EPAS1: variants seen among roughly 807,000 people sequenced by gnomAD.
The protein encoded by EPAS1 is endothelial PAS domain-containing protein 1.
In EPAS1, 23 loss-of-function variants were observed where a neutral mutation model predicts 87.9. That is an observed-to-expected ratio of 0.26 (90% confidence interval 0.19 to 0.37). The LOEUF (loss-of-function observed/expected upper bound fraction) is 0.37. EPAS1 is among the 10% of genes least tolerant of loss of function. EPAS1 has a pLI of 1.00. For synonymous variants in EPAS1, 508 were observed against 444.3 expected, an observed-to-expected ratio of 1.14 and a Z score of -1.80; for missense variants, 1,138 against 1,120.7, an observed-to-expected ratio of 1.02 and a Z score of -0.22.
chr2:46,376,769 C>T lies in EPAS1; in HGVS notation c.1249+16C>T, dbSNP rs1333957628. On this transcript the variant is annotated intron_variant, in intron 9 of 15. Transcript: ENST00000263734. Reference sequence around the variant, plus strand: ...CTGGATTTCGGTGGGTGCTTCTTAGCTAAGCCAGGCCCCTGGAACCCCGTT... The same window carrying T: ...CTGGATTTCGGTGGGTGCTTCTTAGTTAAGCCAGGCCCCTGGAACCCCGTT... The T allele has an allele frequency of 3.7e-6, 6 of 1,611,438 alleles. No homozygotes were observed. Among genetic ancestry groups the T allele is most frequent in the Non-Finnish European group, 5.1e-6 (6 of 1,179,696 alleles).
At chr2:46,301,556 A>G (rs1682998709) in intron 1 of EPAS1, among the ~76,000 whole-genome samples, 1 of 148,164 alleles carries the variant, frequency 6.7e-6, no homozygotes, top group Non-Finnish European at 1.5e-5. Flanking sequence ...CAGCCTGGGC[A>G]AGAGTGAAAT....
chr2:46,346,392 T>G lies in EPAS1; in HGVS notation c.27-481T>G, dbSNP rs992049256. On this transcript the variant is annotated intron_variant, in intron 1 of 15. Transcript: ENST00000263734. The surrounding 1 kb of genome is among the most constrained non-coding windows in gnomAD (Gnocchi z 4.0). The stretch of plus-strand genomic sequence containing the variant: ...TGAAGCGGGATCTAGGGTTCAGTAC[T>G]ACTCTTAATTTTTTCTGATTGTGTC... 8.5e-5 allele frequency among the ~76,000 whole-genome samples: 13 copies of G among 152,238 alleles called. No individual in the cohort carries two copies. Among genetic ancestry groups the G allele is most frequent in the Non-Finnish European group, 1.3e-4 (9 of 68,040 alleles).
At chr2:46,330,993 A>G (rs1683661884) in intron 1 of EPAS1, among the ~76,000 whole-genome samples, 1 of 151,664 alleles carries the variant, frequency 6.6e-6, no homozygotes, top group South Asian at 2.1e-4. Context: ...CTTGCTCCTG[A>G]CTTCTGTAGC....
rs1406401241 is a variant in EPAS1, at chr2:46,376,794, T to G, written c.1249+41T>G. The G allele has an allele frequency of 3.7e-6, 6 of 1,601,910 alleles. No individual in the cohort carries two copies. The Admixed American group carries it at 6.7e-5, about 18-fold the overall frequency. ...CTAAGCCAGGCCCCTGGAACCCCGTTGGGGCTGGGAAGAGTTCTTACTATA... is the reference window on the plus strand; with the variant it reads ...CTAAGCCAGGCCCCTGGAACCCCGTGGGGGCTGGGAAGAGTTCTTACTATA... On this transcript the variant is annotated intron_variant, in intron 9 of 15. Coordinates refer to ENST00000263734, the MANE Select transcript of EPAS1 (RefSeq NM_001430.5).
rs1684995918 is a variant in EPAS1 at position 46,385,446 on chromosome 2, G to T, written c.*786G>T. On this transcript the variant is annotated 3_prime_UTR_variant, in exon 16 of 16. Transcript: ENST00000263734. ...GTACTTTGTAATATCTAAAAACTTA[G>T]AAACGGAAATGGAATCCTGCTCACA... is the stretch of plus-strand genomic sequence containing the variant. 1 of 152,234 alleles carries T rather than the reference G, an allele frequency of 6.6e-6. No homozygotes were observed. The highest frequency in any genetic ancestry group is 1.5e-5 in the Non-Finnish European group (1 of 68,038). The allele number at this position is 152,234 out of a possible 1,614,324, so 9.4% of individuals were successfully genotyped here. A position where few individuals can be genotyped will look rare whatever the true frequency, so the allele number is the denominator to read the frequency against.
intron 6 of EPAS1, among the ~76,000 whole-genome samples, chr2:46,365,020 T>C (rs1229271619): frequency 1.3e-5 from 2 of 152,184 alleles, no homozygotes; most frequent in Non-Finnish European, 2.9e-5. Flanking sequence ...TGTTCCCAAG[T>C]AGTTTAACTT....
In EPAS1 at chr2:46,354,826, T is replaced by G. The variant is rs549042565; in HGVS notation, c.218-1325T>G. 1.2e-4 allele frequency among the ~76,000 whole-genome samples: 18 copies of G among 152,208 alleles called. 1 individual carries two copies. The highest frequency in any genetic ancestry group is 4.3e-4 in the African/African-American group (18 of 41,530). On this transcript the variant is annotated intron_variant, in intron 2 of 15. Transcript: ENST00000263734. ...CTGGGCCTGCCTCACCAGCCCAATC[T>G]CTGAGACTGGGAAATGGATTCTCTT...
intron 2 of EPAS1, among the ~76,000 whole-genome samples, chr2:46,353,145 T>G (rs1478240660): frequency 6.6e-6 from 1 of 152,202 alleles, no homozygotes; most frequent in Non-Finnish European, 1.5e-5. Flanking sequence ...CAGAAGGTGG[T>G]CACCTATCTG....
At chr2:46,377,515 G>A (rs1361194850) in intron 9 of EPAS1, among the ~76,000 whole-genome samples, 1 of 152,204 alleles carries the variant, frequency 6.6e-6, no homozygotes, top group Non-Finnish European at 1.5e-5. Flanking sequence ...GCGGGCCCTT[G>A]GCCAGTAGGT....
chr2:46,370,120 C>T (rs374614375), intron 7 of EPAS1, among the ~76,000 whole-genome samples, 187 bp downstream of exon 7: 3 of 152,176 alleles, frequency 2.0e-5, no homozygotes, highest in East Asian at 3.9e-4. Context: ...TAGACTCCTT[C>T]GTGCAAATTA....
intron 1 of EPAS1, among the ~76,000 whole-genome samples, chr2:46,307,765 C>T (rs1274985640): frequency 2.0e-5 from 3 of 152,200 alleles, no homozygotes; most frequent in Admixed American, 2.0e-4. Context: ...GCTGAGATCG[C>T]TTTCCTGGTC....
chr2:46,379,490 G>T (rs1472975364), intron 11 of EPAS1, among the ~76,000 whole-genome samples: 1 of 152,184 alleles, frequency 6.6e-6, no homozygotes, highest in Non-Finnish European at 1.5e-5. Context: ...CACTCCTGTA[G>T]TATATATCAT....
At chr2:46,326,978 ATT>A (rs1683575777) in intron 1 of EPAS1, among the ~76,000 whole-genome samples, 1 of 152,168 alleles carries the variant, frequency 6.6e-6, no homozygotes, top group Non-Finnish European at 1.5e-5. Flanking sequence ...TGTACCTCTG[ATT>A]CTTCAACTGC....
At chr2:46,362,953 A>AGTGGTGGTGGTGGTGGTGGTGGTGGTG (rs1159555840) in intron 6 of EPAS1, among the ~76,000 whole-genome samples, 2 of 78,034 alleles carry the variant, frequency 2.6e-5, no homozygotes, top group Admixed American at 1.4e-4. Flanking sequence ...TGTAATTGTT[A>AGTGGTGGTGGTGGTGGTGGTGGTGGTG]GTGGTGGTGG....
At chr2:46,350,659 C>T (rs1466213211) in intron 2 of EPAS1, among the ~76,000 whole-genome samples, 1 of 152,232 alleles carries the variant, frequency 6.6e-6, no homozygotes, top group Non-Finnish European at 1.5e-5. Flanking sequence ...ATGAGCGAAT[C>T]AGGGTCAACT....
At chr2:46,319,419 C>G (rs538955215) in intron 1 of EPAS1, among the ~76,000 whole-genome samples, 1 of 152,184 alleles carries the variant, frequency 6.6e-6, no homozygotes, top group East Asian at 1.9e-4. Context: ...CAATCTATAT[C>G]TTTAAAAAGG....
At position 46,375,788 on chromosome 2, in the gene EPAS1, C is replaced by T. The variant is rs781173090; in HGVS notation, c.985C>T (p.Pro329Ser). ...GACCCAGGGGACGGTCATCTACAAC[C>T]CTCGCAACCTGCAGCCCCAGTGCAT... ...LETQGTVIYN[P>S]RNLQPQCIMC... is the part of the protein sequence containing the mutation. The change falls in exon 8 of 16, where the codon CCT becomes TCT. Residue 329 changes from proline (P) to serine (S), a missense_variant. This residue lies in a region of EPAS1 where 284 missense variants were observed against 258.4 expected (regional missense o/e 1.10). Transcript: ENST00000263734. The surrounding 1 kb of genome is among the most constrained non-coding windows in gnomAD (Gnocchi z 4.1). 6.2e-7 allele frequency: 1 copy of T among 1,614,224 alleles called. No individual in the cohort carries two copies. The highest frequency in any genetic ancestry group is 1.1e-5 in the South Asian group (1 of 91,086).
chr2:46,298,651 G>A (rs1373272840), intron 1 of EPAS1, among the ~76,000 whole-genome samples: 2 of 152,244 alleles, frequency 1.3e-5, no homozygotes, highest in Non-Finnish European at 2.9e-5. Flanking sequence ...TGGCAGGTCC[G>A]GGTGTCTGTC....
At chr2:46,350,970 T>G (rs570803262) in intron 2 of EPAS1, among the ~76,000 whole-genome samples, 5 of 152,350 alleles carry the variant, frequency 3.3e-5, no homozygotes, top group African/African-American at 1.2e-4. Context: ...AGGCTTGATA[T>G]GACCTTTCCA....
Sources: gnomAD v4.1 joint callset for allele counts (sites outside exome capture counted in the v4.1 genomes callset) on GRCh38, gnomAD v4.1.1 for gene constraint, gnomAD v4.1.1 regional missense constraint, Gnocchi (gnomAD v3.1) non-coding constraint, MANE v1.5 for transcripts, NCBI Gene and HGNC (gene_info 2026-07-23, HGNC 2026-07-21) for gene names.